PARP15: variants seen among roughly 807,000 people sequenced by gnomAD.
PARP15 encodes the protein poly(ADP-ribose) polymerase family member 15.
A neutral mutation model predicts 62.1 loss-of-function variants in PARP15; 50 were observed. The observed-to-expected ratio is 0.81, with a 90% confidence interval of 0.64 to 1.02. The LOEUF (loss-of-function observed/expected upper bound fraction) is 1.02. Among genes scored for constraint, PARP15 ranks in the 50% least tolerant of loss-of-function variants. PARP15 has a pLI of 0.00. For missense variants in PARP15, 820 were observed against 826.5 expected, an observed-to-expected ratio of 0.99 and a Z score of 0.10; for synonymous variants, 309 against 293.1, an observed-to-expected ratio of 1.05 and a Z score of -0.55.
At chr3:122,588,453 A>G (rs1199930363) in intron 1 of PARP15, among the ~76,000 whole-genome samples, 1 of 151,994 alleles carries the variant, frequency 6.6e-6, no homozygotes, top group African/African-American at 2.4e-5. Context: ...AAAGTGTGCA[A>G]TTCAGTGGTT....
At chr3:122,602,857 G>A (rs892238289) in intron 1 of PARP15, among the ~76,000 whole-genome samples, 3 of 152,172 alleles carry the variant, frequency 2.0e-5, no homozygotes, top group African/African-American at 7.2e-5. Flanking sequence ...CATTAGTTGA[G>A]GATTACCTCC....
intron 7 of PARP15, among the ~76,000 whole-genome samples, chr3:122,621,053 G>A (rs115672673): frequency 6.6e-6 from 1 of 152,138 alleles, no homozygotes; most frequent in Non-Finnish European, 1.5e-5. Context: ...ACAGCAGAGT[G>A]GGGGTTAAGA....
At chr3:122,591,641 A>G (rs1482722812) in intron 1 of PARP15, among the ~76,000 whole-genome samples, 1 of 151,492 alleles carries the variant, frequency 6.6e-6, no homozygotes, top group Non-Finnish European at 1.5e-5. Context: ...CATGCCTGTA[A>G]TCCCCACTAC....
chr3:122,631,713 A>T (rs1200629172), intron 9 of PARP15, among the ~76,000 whole-genome samples: 1 of 152,242 alleles, frequency 6.6e-6, no homozygotes, highest in East Asian at 1.9e-4. Context: ...AATAGAAGAG[A>T]ACTACATTAA....
At chr3:122,623,079 C>T (rs1253357395) in intron 8 of PARP15, among the ~76,000 whole-genome samples, 1 of 152,170 alleles carries the variant, frequency 6.6e-6, no homozygotes, top group Non-Finnish European at 1.5e-5. Flanking sequence ...ACACCGATAA[C>T]CTTTTGTTAT....
In PARP15 at chr3:122,637,026, C is replaced by A. The variant is rs1297269835; in HGVS notation, c.*926C>A. On this transcript the variant is annotated 3_prime_UTR_variant, in exon 12 of 12. Coordinates refer to ENST00000464300, the MANE Select transcript of PARP15 (RefSeq NM_001113523.3). ...AAATCTTTATGTTTGAAGTCATGCA[C>A]CATCTTTTCCACGAGTATCCTGTTG... The A allele has an allele frequency of 6.6e-6, 1 of 152,218 alleles. No homozygotes were observed. The highest frequency in any genetic ancestry group is 1.5e-5 in the Non-Finnish European group (1 of 68,082). The allele number at this position is 152,218 out of a possible 1,614,324, so 9.4% of individuals were successfully genotyped here. A position where few individuals can be genotyped will look rare whatever the true frequency, so the allele number is the denominator to read the frequency against.
intron 1 of PARP15, among the ~76,000 whole-genome samples, chr3:122,604,881 C>G (rs141418153): frequency 6.7e-6 from 1 of 148,396 alleles, no homozygotes; most frequent in African/African-American, 2.5e-5. Context: ...AAAAAAAATA[C>G]AGAAATTAGC....
At chr3:122,594,524 G>A (rs960882219) in intron 1 of PARP15, 1 of 981,330 alleles carries the variant, frequency 1.0e-6, no homozygotes, top group African/African-American at 1.7e-5. Flanking sequence ...GGAAGTCATT[G>A]TTAAAGATTG....
rs778870087 is a variant in PARP15, at chr3:122,635,161, C to T, written c.1714C>T (p.His572Tyr). The T allele has an allele frequency of 6.2e-7, 1 of 1,613,852 alleles. No individual in the cohort carries two copies. Among genetic ancestry groups the T allele is most frequent in the African/African-American group, 1.3e-5 (1 of 75,008 alleles). Residue 572 changes from histidine to tyrosine, a missense_variant, in exon 11 of 12, where the codon CAC (histidine) becomes TAC (tyrosine). Transcript: ENST00000464300. ...AGACTCAGTGCCATATGTCAATCAG[C>T]ACGGCTTTAATAGAAGTTGTGCTGG... ...DADSVPYVNQ[H>Y]GFNRSCAGKN...
In PARP15 at chr3:122,589,887, AC is replaced by A. The variant is rs35789604; in HGVS notation, c.186+12035del. Among the ~76,000 whole-genome samples, 286 of 130,312 alleles carry A rather than the reference AC, an allele frequency of 2.2e-3. 2 individuals carry two copies. Among genetic ancestry groups the A allele is most frequent in the Admixed American group, 3.5e-3 (43 of 12,176 alleles). 85.5% of individuals were successfully genotyped at this position (130,312 alleles called of 152,430 possible). On this transcript the variant is annotated intron_variant, in intron 1 of 11. Transcript: ENST00000464300. ...CAAAATGTATTATTTGTAAGGCATA[AC>A]TTTTTTTTTTTTTTTTTTTTTGAGA...
chr3:122,636,004 T>C lies in PARP15; in HGVS notation c.1941T>C (p.Phe647=), dbSNP rs1937347820. 10 of 1,614,002 alleles carry C rather than the reference T, an allele frequency of 6.2e-6. No homozygotes were observed. The highest frequency in any genetic ancestry group is 1.3e-5 in the African/African-American group (1 of 74,906). ...ATCCTCACAATCCCACAGATCTCTT[T>C]GACTCAGTGACAAACAATACACGAT... ...PKNPHNPTDL[F]DSVTNNTRSP... is the part of the protein sequence containing the mutation. Residue 647 remains phenylalanine, a synonymous_variant, in exon 12 of 12, where the codon TTT becomes TTC. Coordinates refer to ENST00000464300, the MANE Select transcript of PARP15 (RefSeq NM_001113523.3).
At chr3:122,623,877 C>T (rs955153940) in intron 8 of PARP15, among the ~76,000 whole-genome samples, 5 of 152,218 alleles carry the variant, frequency 3.3e-5, no homozygotes, top group Non-Finnish European at 7.3e-5. Context: ...GGCTCAGGGG[C>T]TCACGCCTGT....
At chr3:122,619,915 A>G (rs903784028) in intron 7 of PARP15, 72 bp downstream of exon 7, 3 of 1,382,856 alleles carry the variant, frequency 2.2e-6, no homozygotes, top group Non-Finnish European at 3.1e-6. Context: ...GAGGATGTAC[A>G]GGAGGACTGG....
At chr3:122,627,907 A>G (rs1936833935) in intron 9 of PARP15, among the ~76,000 whole-genome samples, 1 of 152,252 alleles carries the variant, frequency 6.6e-6, no homozygotes. Flanking sequence ...GTAGCAAATA[A>G]TAGAAAGTCC....
At chr3:122,615,230 A>G in intron 4 of PARP15, 1 of 1,279,024 alleles carries the variant, frequency 7.8e-7, no homozygotes. Flanking sequence ...TTCCATTTCT[A>G]AACAAAACTT....
intron 6 of PARP15, among the ~76,000 whole-genome samples, chr3:122,619,009 A>G (rs900075597): frequency 6.6e-6 from 1 of 152,280 alleles, no homozygotes; most frequent in Non-Finnish European, 1.5e-5. Flanking sequence ...GAGACATTTT[A>G]TAACACATAT....
chr3:122,609,338 A>G (rs1935398883), intron 2 of PARP15, among the ~76,000 whole-genome samples: 1 of 152,194 alleles, frequency 6.6e-6, no homozygotes, highest in Non-Finnish European at 1.5e-5. Flanking sequence ...ATAACCTATT[A>G]TATGTCCCAG....
At position 122,615,860 on chromosome 3, in the gene PARP15, C is replaced by T; in HGVS notation, c.850+3C>T. On this transcript the variant is annotated splice_donor_region_variant and intron_variant, in intron 5 of 11. Coordinates refer to ENST00000464300, the MANE Select transcript of PARP15 (RefSeq NM_001113523.3). The stretch of plus-strand genomic sequence containing the variant: ...TCCCATGGCAGGAGATACCCAAGGT[C>T]TGGTAAAGTCGTTCTGCTAAGGAAA... 2 of 1,609,086 alleles carry T rather than the reference C, an allele frequency of 1.2e-6. No homozygotes were observed. The highest frequency in any genetic ancestry group is 1.7e-6 in the Non-Finnish European group (2 of 1,176,134).
At position 122,588,862 on chromosome 3, in the gene PARP15, T is replaced by C. The variant is rs995590076; in HGVS notation, c.186+11009T>C. On this transcript the variant is annotated intron_variant, in intron 1 of 11. Transcript: ENST00000464300. ...CCTTTTGTGACTGGCTTCTTTCACTTAGCATGTTTTTTCCAGGTATGTTGC... is the reference window on the plus strand; with the variant it reads ...CCTTTTGTGACTGGCTTCTTTCACTCAGCATGTTTTTTCCAGGTATGTTGC... 1.3e-5 allele frequency among the ~76,000 whole-genome samples: 2 copies of C among 152,344 alleles called. 1 individual carries two copies. The highest frequency in any genetic ancestry group is 6.8e-3 in the Middle Eastern group (2 of 294).
Sources: allele counts gnomAD v4.1 joint callset (sites outside exome capture counted in the v4.1 genomes callset), GRCh38; gene constraint gnomAD v4.1.1; transcripts MANE v1.5; gene names NCBI Gene and HGNC (gene_info 2026-07-23, HGNC 2026-07-21).